The following SLC35D1 variants were observed in gnomAD, a reference collection of about 807,000 sequenced individuals.
The protein encoded by SLC35D1 is solute carrier family 35 member D1.
SLC35D1 carries 31 observed loss-of-function variants against 46.7 expected under a neutral mutation model. The ratio of observed to expected loss-of-function variants is 0.66; its 90% CI spans 0.50 to 0.90. The LOEUF (loss-of-function observed/expected upper bound fraction) is 0.90. Among genes scored for constraint, SLC35D1 ranks in the 40% least tolerant of loss-of-function variants. The pLI is 0.00. For synonymous variants in SLC35D1, 195 were observed against 164.6 expected (o/e 1.18, Z -1.41); for missense variants, 397 against 426.2 (o/e 0.93, Z 0.60).
At position 67,008,525 on chromosome 1, in the gene SLC35D1, G is replaced by A. The variant is rs1038513308; in HGVS notation, c.959+560C>T. 8.6e-6 allele frequency: 10 copies of A among 1,158,258 alleles called. No homozygotes were observed. In the South Asian group the frequency reaches 1.3e-4, roughly 15 times the overall value. 71.7% of individuals were successfully genotyped at this position (1,158,258 alleles called of 1,614,324 possible). A position where few individuals can be genotyped will look rare whatever the true frequency, so the allele number is the denominator to read the frequency against. Reference sequence around the variant, plus strand: ...TTGTTAGAATACTGCAAATCTGAATGGAACGTGCCGAACTGCTTCCAAATC... The same window carrying A: ...TTGTTAGAATACTGCAAATCTGAATAGAACGTGCCGAACTGCTTCCAAATC... On this transcript the variant is annotated intron_variant, in intron 11 of 11. Coordinates refer to ENST00000235345, the MANE Select transcript of SLC35D1 (RefSeq NM_015139.3).
At chr1:67,014,402 T>C (rs1311858684) in intron 10 of SLC35D1, among the ~76,000 whole-genome samples, 1 of 152,146 alleles carries the variant, frequency 6.6e-6, no homozygotes, top group African/African-American at 2.4e-5. Flanking sequence ...AATCCAACTG[T>C]TCTTTTAAAC....
At chr1:67,007,677 G>A (rs1293807346) in intron 11 of SLC35D1, among the ~76,000 whole-genome samples, 1 of 152,188 alleles carries the variant, frequency 6.6e-6, no homozygotes, top group African/African-American at 2.4e-5. Context: ...ACGCAGTGAT[G>A]AGTAAACGCT....
intron 8 of SLC35D1, among the ~76,000 whole-genome samples, chr1:67,025,564 C>T (rs1667899496): frequency 6.6e-6 from 1 of 152,184 alleles, no homozygotes; most frequent in Non-Finnish European, 1.5e-5. Context: ...AAGTCCTTTG[C>T]AATTCCACAT....
rs112364225 is a variant in SLC35D1 at position 67,029,921 on chromosome 1, G to A, written c.730-8319C>T. ...GCCCCACGCCCCAAGCTTTATTAAGGTATAGTTAACAAAATATATAATTTT... is the reference window on the plus strand; with the variant it reads ...GCCCCACGCCCCAAGCTTTATTAAGATATAGTTAACAAAATATATAATTTT... On this transcript the variant is annotated intron_variant, in intron 8 of 11. Transcript: ENST00000235345. Among the ~76,000 whole-genome samples, 560 of 151,860 alleles carry A rather than the reference G, an allele frequency of 3.7e-3. 5 individuals are homozygous for A. The highest frequency in any genetic ancestry group is 0.011 in the African/African-American group (476 of 41,392).
chr1:66,985,140 C>T, the SLC35D1 span: 2 of 1,090,042 alleles, frequency 1.8e-6, no homozygotes, highest in African/African-American at 1.6e-5. Flanking sequence ...AAAGATATAT[C>T]TCTACCTTCT....
At chr1:67,015,256 A>C (rs2102261493) in intron 10 of SLC35D1, among the ~76,000 whole-genome samples, 1 of 151,546 alleles carries the variant, frequency 6.6e-6, no homozygotes, top group East Asian at 1.9e-4. Flanking sequence ...AAAATGTTTA[A>C]ATTTAAGAGG....
chr1:66,973,523 T>C, the SLC35D1 span, among the ~76,000 whole-genome samples: 1 of 152,116 alleles, frequency 6.6e-6, no homozygotes, highest in East Asian at 1.9e-4. Flanking sequence ...TTGAGGATTT[T>C]ATTTAACATA....
chr1:66,984,317 C>T, the SLC35D1 span, among the ~76,000 whole-genome samples: 1 of 152,122 alleles, frequency 6.6e-6, no homozygotes, highest in Non-Finnish European at 1.5e-5. Flanking sequence ...CATTTATTAA[C>T]TTATTTAATT....
At chr1:66,977,615 A>AT in the SLC35D1 span, among the ~76,000 whole-genome samples, 2 of 152,170 alleles carry the variant, frequency 1.3e-5, no homozygotes, top group Non-Finnish European at 2.9e-5. Flanking sequence ...AAGAGAATTT[A>AT]TTGTCTACAC....
At chr1:66,987,774 T>TAC in the SLC35D1 span, 2 of 152,214 alleles carry the variant, frequency 1.3e-5, no homozygotes, top group Admixed American at 6.6e-5. Context: ...TATATATATA[T>TAC]ACACAGTCTG....
At chr1:66,983,852 C>T in the SLC35D1 span, among the ~76,000 whole-genome samples, 5 of 152,132 alleles carry the variant, frequency 3.3e-5, no homozygotes, top group Admixed American at 3.3e-4. Flanking sequence ...CTCAGCCTTC[C>T]GAGTAGCTGG....
chr1:67,041,611 T>C (rs1011986794), intron 8 of SLC35D1, among the ~76,000 whole-genome samples: 2 of 152,248 alleles, frequency 1.3e-5, no homozygotes, highest in African/African-American at 2.4e-5. Context: ...CAATATGTTA[T>C]CAATTTGTCT....
chr1:66,973,552 T>A, the SLC35D1 span, among the ~76,000 whole-genome samples: 1 of 152,100 alleles, frequency 6.6e-6, no homozygotes, highest in Non-Finnish European at 1.5e-5. Context: ...TCATTTCATG[T>A]TGATAATATC....
downstream of SLC35D1, among the ~76,000 whole-genome samples, chr1:66,997,613 CTG>C (rs1332914572): frequency 4.3e-5 from 6 of 138,776 alleles, no homozygotes; most frequent in Admixed American, 4.4e-4. Context: ...AAAGATGTAT[CTG>C]TATATATATG....
chr1:67,028,717 T>C (rs1170246669), intron 8 of SLC35D1, among the ~76,000 whole-genome samples: 1 of 152,190 alleles, frequency 6.6e-6, no homozygotes, highest in Non-Finnish European at 1.5e-5. Flanking sequence ...CTTCTTGATA[T>C]TGCCCCACAG....
At chr1:67,008,571 C>T (rs1667498074) in intron 11 of SLC35D1, 2 of 718,106 alleles carry the variant, frequency 2.8e-6, no homozygotes, top group Admixed American at 6.6e-5. Context: ...ACTAAATCTA[C>T]TTTATCTGCT....
At chr1:66,976,245 A>AC in the SLC35D1 span, among the ~76,000 whole-genome samples, 13,028 of 151,230 alleles carry the variant, frequency 0.086, 774 homozygotes, top group African/African-American at 0.17. Flanking sequence ...CTCGTGATCC[A>AC]CCCCCCTTGG....
chr1:67,050,579 G>T, intron 4 of SLC35D1, 75 bp from the exon 5 acceptor site: 1 of 1,170,714 alleles, frequency 8.5e-7, no homozygotes, highest in Non-Finnish European at 1.3e-6. Context: ...CAAATTGGTA[G>T]TTAAAATAAT....
the SLC35D1 span, chr1:66,988,716 A>G: frequency 6.6e-6 from 1 of 152,288 alleles, no homozygotes; most frequent in Non-Finnish European, 1.5e-5. Flanking sequence ...GATGGATTCT[A>G]ATTGTCCAAA....
Sources: allele counts gnomAD v4.1 joint callset (sites outside exome capture counted in the v4.1 genomes callset), GRCh38; gene constraint gnomAD v4.1.1; transcripts MANE v1.5; gene names NCBI Gene and HGNC (gene_info 2026-07-23, HGNC 2026-07-21).